PTN: variants seen among roughly 807,000 people sequenced by gnomAD.
PTN encodes pleiotrophin.
PTN carries 18 observed loss-of-function variants against 24.1 expected under a neutral mutation model. The ratio of observed to expected loss-of-function variants is 0.75; its 90% CI spans 0.52 to 1.11. The LOEUF (loss-of-function observed/expected upper bound fraction) is 1.11, where lower values mean the gene tolerates loss of function less well. Ranked by LOEUF, PTN falls within the 50% of genes least tolerant of loss-of-function variation. The probability of loss-of-function intolerance (pLI) is 0.00; values close to 1 mark genes in which losing one functional copy is unlikely to be tolerated. For synonymous variants in PTN, 78 were observed against 68.6 expected, an observed-to-expected ratio of 1.14 and a Z score of -0.67; for missense variants, 163 against 198.8, an observed-to-expected ratio of 0.82 and a Z score of 1.08.
At chr7:137,258,728 C>T (rs1355718264) in intron 1 of PTN, among the ~76,000 whole-genome samples, 1 of 152,016 alleles carries the variant, frequency 6.6e-6, no homozygotes, top group African/African-American at 2.4e-5. Flanking sequence ...ATAACAGTTG[C>T]CCTTGCTTGT....
intron 4 of PTN, among the ~76,000 whole-genome samples, chr7:137,243,628 C>T (rs933855566): frequency 6.6e-6 from 1 of 152,132 alleles, no homozygotes; most frequent in Non-Finnish European, 1.5e-5. Context: ...TCCTTCATAG[C>T]AGGATTTTCC....
chr7:137,329,640 A>G (rs947546325), intron 1 of PTN, among the ~76,000 whole-genome samples: 12 of 152,220 alleles, frequency 7.9e-5, no homozygotes, highest in African/African-American at 2.2e-4. Flanking sequence ...TAGGGCAGCC[A>G]GTTAATATTA....
chr7:137,242,999 C>T (rs183712622), intron 4 of PTN, among the ~76,000 whole-genome samples: 48 of 152,330 alleles, frequency 3.2e-4, no homozygotes, highest in African/African-American at 9.4e-4. Context: ...TGCAGTGGCA[C>T]GATCTTGACT....
chr7:137,322,041 C>T (rs1810171059), intron 1 of PTN, among the ~76,000 whole-genome samples: 1 of 152,202 alleles, frequency 6.6e-6, no homozygotes, highest in African/African-American at 2.4e-5. Flanking sequence ...TAGAGGCCTT[C>T]CCTGGCACTC....
At chr7:137,329,355 C>A (rs1203641655) in intron 1 of PTN, among the ~76,000 whole-genome samples, 1 of 152,172 alleles carries the variant, frequency 6.6e-6, no homozygotes, top group Admixed American at 6.5e-5. Flanking sequence ...AGTCTCCTTG[C>A]TCTTGGTAGT....
chr7:137,230,265 T>C (rs774691103), intron 4 of PTN, among the ~76,000 whole-genome samples: 1 of 151,896 alleles, frequency 6.6e-6, no homozygotes. Context: ...CAAATTCTTC[T>C]TGGTAAAGGC....
At chr7:137,276,797 A>AG (rs1430033719) in intron 1 of PTN, among the ~76,000 whole-genome samples, 2 of 148,236 alleles carry the variant, frequency 1.3e-5, no homozygotes, top group African/African-American at 5.2e-5. Context: ...TGCTTTTAAC[A>AG]GAAAAAAAAA....
At chr7:137,246,503 C>T (rs896748116) in intron 4 of PTN, among the ~76,000 whole-genome samples, 2 of 152,166 alleles carry the variant, frequency 1.3e-5, no homozygotes, top group African/African-American at 2.4e-5. Context: ...TGATTTTCCT[C>T]ATGACTGCAA....
intron 1 of PTN, among the ~76,000 whole-genome samples, chr7:137,319,822 T>C (rs1185335856): frequency 6.6e-6 from 1 of 152,232 alleles, no homozygotes; most frequent in East Asian, 1.9e-4. Context: ...CTTGACGTTA[T>C]GGTCTTGTAC....
At chr7:137,324,427 A>T (rs1166031877) in intron 1 of PTN, among the ~76,000 whole-genome samples, 2 of 61,520 alleles carry the variant, frequency 3.3e-5, no homozygotes, top group Non-Finnish European at 5.9e-5. Context: ...TAAAAAAAAA[A>T]AAAAAAATAT....
intron 1 of PTN, among the ~76,000 whole-genome samples, chr7:137,266,505 T>C (rs1354667560): frequency 7.6e-6 from 1 of 131,926 alleles, no homozygotes; most frequent in Non-Finnish European, 1.6e-5. Flanking sequence ...CAGACAATTC[T>C]TCCACATGCT....
At chr7:137,276,798 GAA>G (rs5887830) in intron 1 of PTN, among the ~76,000 whole-genome samples, 21 of 146,156 alleles carry the variant, frequency 1.4e-4, no homozygotes, top group Non-Finnish European at 2.4e-4. Context: ...GCTTTTAACA[GAA>G]AAAAAAAAAT....
chr7:137,296,735 A>C (rs910239617), intron 1 of PTN, among the ~76,000 whole-genome samples: 1 of 152,186 alleles, frequency 6.6e-6, no homozygotes, highest in Admixed American at 6.6e-5. Context: ...CTGGCTTAGC[A>C]ATACCAGGCA....
intron 1 of PTN, among the ~76,000 whole-genome samples, chr7:137,304,547 A>G (rs1156254698): frequency 2.6e-5 from 4 of 152,026 alleles, no homozygotes; most frequent in Non-Finnish European, 5.9e-5. Flanking sequence ...AGAACTAAAA[A>G]ACAGGGAGGG....
chr7:137,305,219 A>G (rs1193229652), intron 1 of PTN, among the ~76,000 whole-genome samples: 1 of 152,104 alleles, frequency 6.6e-6, no homozygotes. Context: ...CAATAATTCT[A>G]TAGCATTCAC....
At chr7:137,243,428 A>AT (rs1178108484) in intron 4 of PTN, among the ~76,000 whole-genome samples, 1 of 152,116 alleles carries the variant, frequency 6.6e-6, no homozygotes, top group Non-Finnish European at 1.5e-5. Flanking sequence ...TTTTTTCCCC[A>AT]TGGAGTAGCA....
chr7:137,296,475 G>A (rs1809719780), intron 1 of PTN, among the ~76,000 whole-genome samples: 1 of 151,972 alleles, frequency 6.6e-6, no homozygotes, highest in Non-Finnish European at 1.5e-5. Context: ...GAGACAATTT[G>A]GTTTTGGAGC....
chr7:137,332,395 A>AACC, intron 1 of PTN, among the ~76,000 whole-genome samples: 1 of 151,886 alleles, frequency 6.6e-6, no homozygotes, highest in East Asian at 1.9e-4. Context: ...ATGGAAAAAA[A>AACC]AATATTTCAT....
rs959215381 is a variant in PTN at position 137,284,342 on chromosome 7, C to G, written c.-1-29368G>C. Among the ~76,000 whole-genome samples, 3 of 152,058 alleles carry G rather than the reference C, an allele frequency of 2.0e-5. No individual in the cohort carries two copies. The South Asian group carries it at 6.2e-4, about 32-fold the overall frequency. ...CTTCCCGGTCTTCTGAAGTTCTGCA[C>G]AGTTACCATGTCAAAAAGGAAGAGG... On this transcript the variant is annotated intron_variant, in intron 1 of 4. Coordinates refer to ENST00000348225, the MANE Select transcript of PTN (RefSeq NM_002825.7).
Sources: gnomAD v4.1 joint callset for allele counts (sites outside exome capture counted in the v4.1 genomes callset) on GRCh38, gnomAD v4.1.1 for gene constraint, MANE v1.5 for transcripts, NCBI Gene and HGNC (gene_info 2026-07-23, HGNC 2026-07-21) for gene names.